The following GNAL variants were observed in gnomAD, a reference collection of about 807,000 sequenced individuals.
GNAL encodes the protein guanine nucleotide-binding protein G(olf) subunit alpha.
Under a neutral mutation model 55.1 loss-of-function variants are expected in GNAL, and 18 were observed. The ratio of observed to expected loss-of-function variants is 0.33; its 90% CI spans 0.23 to 0.48. GNAL has a LOEUF of 0.48. Ranked by LOEUF, GNAL falls within the 20% of genes least tolerant of loss-of-function variation. The pLI, the probability that GNAL is intolerant of heterozygous loss-of-function variation, is 0.99. For missense variants in GNAL, 412 were observed against 614.1 expected, an observed-to-expected ratio of 0.67 and a Z score of 3.48; for synonymous variants, 253 against 237.0, an observed-to-expected ratio of 1.07 and a Z score of -0.62.
intron 1 of GNAL, among the ~76,000 whole-genome samples, chr18:11,720,925 A>G (rs1467743951): frequency 6.6e-6 from 1 of 152,238 alleles, no homozygotes; most frequent in African/African-American, 2.4e-5. Context: ...TTATTGCAAT[A>G]TAAGATTTGC....
At position 11,851,642 on chromosome 18, in the gene GNAL, A is replaced by G. The variant is rs759848382; in HGVS notation, c.723-10753A>G. 14 of 1,613,950 alleles carry G rather than the reference A, an allele frequency of 8.7e-6. No homozygotes were observed. In the African/African-American group the frequency reaches 1.7e-4, roughly 20 times the overall value. ...ATTAAAAAGGCCATTCAGAAGGGCA[A>G]CATGGAAGTTGCGAGGATACACGCC... On this transcript the variant is annotated intron_variant, in intron 5 of 11. Transcript: ENST00000334049.
intron 4 of GNAL, among the ~76,000 whole-genome samples, chr18:11,763,870 C>T (rs1167332565): frequency 1.3e-5 from 2 of 152,094 alleles, no homozygotes; most frequent in African/African-American, 4.8e-5. Context: ...TTGTCATGAC[C>T]TTGGCCTGAC....
At chr18:11,739,996 A>G (rs1190937390) in intron 1 of GNAL, among the ~76,000 whole-genome samples, 1 of 152,046 alleles carries the variant, frequency 6.6e-6, no homozygotes, top group Admixed American at 6.6e-5. Context: ...CAGTGGTCGA[A>G]AAGGATGTGT....
At chr18:11,867,357 C>T (rs1276171842) in intron 8 of GNAL, 131 bp downstream of exon 8, 4 of 687,590 alleles carry the variant, frequency 5.8e-6, no homozygotes, top group African/African-American at 3.7e-5. Flanking sequence ...TTATGATGCT[C>T]CTTCCTTAGA....
At chr18:11,856,750 AC>A (rs1339891732) in intron 5 of GNAL, among the ~76,000 whole-genome samples, 2 of 149,378 alleles carry the variant, frequency 1.3e-5, no homozygotes, top group Non-Finnish European at 2.9e-5. Flanking sequence ...ACAGGGTGAA[AC>A]CCCGTCTCTA....
chr18:11,736,843 A>G (rs141085371), intron 1 of GNAL, among the ~76,000 whole-genome samples: 1 of 152,222 alleles, frequency 6.6e-6, no homozygotes, highest in East Asian at 1.9e-4. Flanking sequence ...CTGTAGCAAC[A>G]TTTGTAGTTA....
chr18:11,727,914 G>A (rs1245081656), intron 1 of GNAL, among the ~76,000 whole-genome samples: 2 of 152,164 alleles, frequency 1.3e-5, no homozygotes, highest in Non-Finnish European at 2.9e-5. Flanking sequence ...GCTATTTGTG[G>A]CAACAGAAGG....
At chr18:11,699,344 A>C (rs896943076) in intron 1 of GNAL, among the ~76,000 whole-genome samples, 4 of 151,176 alleles carry the variant, frequency 2.6e-5, no homozygotes, top group African/African-American at 9.7e-5. Flanking sequence ...ACAGGCACCC[A>C]CCACCACACC....
chr18:11,799,823 A>G (rs1056866091), intron 4 of GNAL, among the ~76,000 whole-genome samples: 1 of 152,064 alleles, frequency 6.6e-6, no homozygotes, highest in Non-Finnish European at 1.5e-5. Flanking sequence ...CAGTTTACAA[A>G]ATGCCCCACT....
chr18:11,776,493 G>T (rs187252786), intron 4 of GNAL, among the ~76,000 whole-genome samples: 2 of 152,090 alleles, frequency 1.3e-5, no homozygotes, highest in African/African-American at 4.8e-5. Context: ...GATTGCTTAA[G>T]CCCAGCAGTT....
At chr18:11,872,082 A>AC (rs1252209344) in intron 9 of GNAL, among the ~76,000 whole-genome samples, 186 bp from the exon 10 acceptor site, 2 of 152,220 alleles carry the variant, frequency 1.3e-5, no homozygotes, top group African/African-American at 2.4e-5. Flanking sequence ...GGGATGCTCA[A>AC]CCTGTACCTA....
chr18:11,805,143 A>C (rs574686848), intron 4 of GNAL, among the ~76,000 whole-genome samples: 4 of 110,860 alleles, frequency 3.6e-5, no homozygotes, highest in African/African-American at 1.4e-4. Context: ...GTGGTGAAGT[A>C]CAGGTGCAAT....
intron 4 of GNAL, among the ~76,000 whole-genome samples, chr18:11,794,034 A>G (rs1041481282): frequency 1.3e-5 from 2 of 152,224 alleles, no homozygotes; most frequent in Non-Finnish European, 2.9e-5. Flanking sequence ...ACACAAATCA[A>G]AACCACAATG....
chr18:11,806,915 C>A (rs2034677996), intron 4 of GNAL, among the ~76,000 whole-genome samples: 1 of 152,100 alleles, frequency 6.6e-6, no homozygotes, highest in Non-Finnish European at 1.5e-5. Flanking sequence ...GATCCGCCCG[C>A]CTCGGCCTCC....
intron 4 of GNAL, among the ~76,000 whole-genome samples, chr18:11,776,576 T>C (rs959031117): frequency 2.0e-5 from 3 of 151,758 alleles, no homozygotes; most frequent in African/African-American, 7.3e-5. Context: ...CCCATGCTGG[T>C]GCACACCTGG....
rs576919735 is a variant in GNAL at position 11,757,994 on chromosome 18, T to C, written c.624+4049T>C. Among the ~76,000 whole-genome samples, 9 of 151,930 alleles carry C rather than the reference T, an allele frequency of 5.9e-5. No individual in the cohort carries two copies. In the South Asian group the frequency reaches 1.9e-3, roughly 32 times the overall value. ...TGGAGGTTTTGCTGTGGAGGAAGGC[T>C]GAGGAGCCAGGCAGCAGCTGGGAAG... On this transcript the variant is annotated intron_variant, in intron 4 of 11. Transcript: ENST00000334049.
intron 5 of GNAL, among the ~76,000 whole-genome samples, chr18:11,836,801 C>T (rs763069717): frequency 4.6e-5 from 7 of 152,210 alleles, no homozygotes; most frequent in Non-Finnish European, 8.8e-5. Context: ...TAGACACTGC[C>T]AGCCACTGAA....
intron 5 of GNAL, among the ~76,000 whole-genome samples, chr18:11,848,773 A>G (rs2035792593): frequency 6.6e-6 from 1 of 152,174 alleles, no homozygotes; most frequent in African/African-American, 2.4e-5. Flanking sequence ...CACACTTTAT[A>G]AAGTTCATAT....
chr18:11,835,191 A>G (rs956057378), intron 5 of GNAL, among the ~76,000 whole-genome samples: 3 of 152,252 alleles, frequency 2.0e-5, no homozygotes, highest in African/African-American at 7.2e-5. Context: ...CCATGAAGAA[A>G]TATTGATTCT....
Sources: gnomAD v4.1 joint callset for allele counts (sites outside exome capture counted in the v4.1 genomes callset) on GRCh38, gnomAD v4.1.1 for gene constraint, MANE v1.5 for transcripts, NCBI Gene and HGNC (gene_info 2026-07-23, HGNC 2026-07-21) for gene names.